Variants in GSTA1 observed in about 807,000 individuals in gnomAD.
GSTA1 encodes the protein glutathione S-transferase A1.
GSTA1 carries 23 observed loss-of-function variants against 21.5 expected under a neutral mutation model. The observed-to-expected ratio is 1.07, with a 90% CI of 0.77 to 1.52. The LOEUF (loss-of-function observed/expected upper bound fraction) is 1.52. GSTA1 is among the 40% of genes most tolerant of loss of function. The pLI is 0.00. For missense variants in GSTA1, 301 were observed against 264.2 expected (o/e 1.14, Z -0.96); for synonymous variants, 125 against 90.0 (o/e 1.39, Z -2.20).
chr6:52,792,833 C>G, intron 6 of GSTA1, 23 bp downstream of exon 6: 1 of 1,613,682 alleles, frequency 6.2e-7, no homozygotes, highest in Non-Finnish European at 8.5e-7. Flanking sequence ...GGGGCTGCCT[C>G]TCTGGGCTGT....
Position 52,791,553 on chromosome 6 carries a change from G to T in GSTA1, c.*305C>A. The T allele has an allele frequency of 3.3e-6, 1 of 305,382 alleles. No individual in the cohort carries two copies. Among genetic ancestry groups the T allele is most frequent in the South Asian group, 4.1e-5 (1 of 24,460 alleles). 18.9% of individuals were successfully genotyped at this position (305,382 alleles called of 1,614,324 possible). A position where few individuals can be genotyped will look rare whatever the true frequency, so the allele number is the denominator to read the frequency against. Reference sequence around the variant, plus strand: ...ATTGTATGACAAATTGTATGTTACGGGACAATTCTTGGAAAAGTCAAACAA... The same window carrying T: ...ATTGTATGACAAATTGTATGTTACGTGACAATTCTTGGAAAAGTCAAACAA... On this transcript the variant is annotated 3_prime_UTR_variant, in exon 7 of 7. Transcript: ENST00000334575.
chr6:52,797,997 C>T (rs1763629790), intron 2 of GSTA1, among the ~76,000 whole-genome samples: 1 of 152,152 alleles, frequency 6.6e-6, no homozygotes, highest in Non-Finnish European at 1.5e-5. Flanking sequence ...GAGATCAGAC[C>T]ACAACCTTGT....
At chr6:52,796,395 A>G (rs1763582964) in intron 3 of GSTA1, 81 bp from the exon 4 acceptor site, 2 of 1,574,432 alleles carry the variant, frequency 1.3e-6, no homozygotes, top group South Asian at 1.2e-5. Flanking sequence ...TGTGGAAATG[A>G]CTAAATTTGT....
chr6:52,794,899 A>T (rs1254050636), intron 4 of GSTA1, among the ~76,000 whole-genome samples: 1 of 152,184 alleles, frequency 6.6e-6, no homozygotes, highest in Non-Finnish European at 1.5e-5. Flanking sequence ...AACCAGTGCA[A>T]ACTTTTCTTC....
intron 1 of GSTA1, among the ~76,000 whole-genome samples, chr6:52,802,021 T>C (rs561169541): frequency 6.6e-6 from 1 of 152,228 alleles, no homozygotes; most frequent in East Asian, 1.9e-4. Flanking sequence ...CAAATAAATG[T>C]TGGAAGGAGA....
At chr6:52,802,611 G>A (rs1280524107) in intron 1 of GSTA1, among the ~76,000 whole-genome samples, 1 of 151,932 alleles carries the variant, frequency 6.6e-6, no homozygotes, top group African/African-American at 2.4e-5. Flanking sequence ...TTATTTTACT[G>A]ACCAACAATC....
chr6:52,799,377 C>A (rs1763660277), intron 1 of GSTA1, 80 bp from the exon 2 acceptor site: 12 of 885,410 alleles, frequency 1.4e-5, no homozygotes, highest in Middle Eastern at 3.0e-4. Flanking sequence ...TGAAAACCAC[C>A]AACAATACTG....
chr6:52,801,632 T>G (rs1333416822), intron 1 of GSTA1, among the ~76,000 whole-genome samples: 1 of 152,244 alleles, frequency 6.6e-6, no homozygotes, highest in Non-Finnish European at 1.5e-5. Context: ...TTTCTCAATG[T>G]GAGGTTTCCA....
At chr6:52,801,771 AGGGAG>A in intron 1 of GSTA1, among the ~76,000 whole-genome samples, 1 of 152,284 alleles carries the variant, frequency 6.6e-6, no homozygotes, top group Admixed American at 6.5e-5. Context: ...GTCAATATCT[AGGGAG>A]TGTGTTTACC....
intron 6 of GSTA1, chr6:52,792,640 A>G (rs1763484238): frequency 5.6e-6 from 7 of 1,243,308 alleles, no homozygotes; most frequent in Non-Finnish European, 7.5e-6. Flanking sequence ...AAAGGGCAAA[A>G]TACTCTTTGT....
intron 1 of GSTA1, among the ~76,000 whole-genome samples, chr6:52,802,289 T>C (rs1763737002): frequency 6.6e-6 from 1 of 152,188 alleles, no homozygotes; most frequent in South Asian, 2.1e-4. Flanking sequence ...ATCTCTGAGG[T>C]GGTCCCAATG....
rs1039642543 is a variant in GSTA1 at position 52,791,767 on chromosome 6, C to G, written c.*91G>C. 21 of 1,458,788 alleles carry G rather than the reference C, an allele frequency of 1.4e-5. No homozygotes were observed. The East Asian group carries it at 2.5e-4, about 17-fold the overall frequency. 90.4% of individuals were successfully genotyped at this position (1,458,788 alleles called of 1,614,324 possible). Reference sequence around the variant, plus strand: ...TTGAAAGAGTTCATTAGCTTCACAACAGGCACAATCAACACTTAGGTAAAG... The same window carrying G: ...TTGAAAGAGTTCATTAGCTTCACAAGAGGCACAATCAACACTTAGGTAAAG... On this transcript the variant is annotated 3_prime_UTR_variant, in exon 7 of 7. Transcript: ENST00000334575.
chr6:52,802,942 G>A (rs1194611911), intron 1 of GSTA1, among the ~76,000 whole-genome samples: 5 of 152,112 alleles, frequency 3.3e-5, no homozygotes, highest in Non-Finnish European at 7.3e-5. Context: ...TTCAGTGAAT[G>A]TCCAAGCAGT....
chr6:52,793,038 A>T (rs775740591), intron 5 of GSTA1, 51 bp from the exon 6 acceptor site: 1 of 1,612,464 alleles, frequency 6.2e-7, no homozygotes, highest in Non-Finnish European at 8.5e-7. Context: ...CCAGGCTAGG[A>T]CCCCTGCTTC....
intron 4 of GSTA1, among the ~76,000 whole-genome samples, chr6:52,795,517 A>G (rs1336084981): frequency 6.6e-6 from 1 of 152,160 alleles, no homozygotes; most frequent in Non-Finnish European, 1.5e-5. Context: ...GTAATACTAT[A>G]TTAAAGTTTT....
At chr6:52,800,057 A>G (rs1164228500) in intron 1 of GSTA1, among the ~76,000 whole-genome samples, 1 of 152,156 alleles carries the variant, frequency 6.6e-6, no homozygotes, top group Non-Finnish European at 1.5e-5. Context: ...CTGTATTCTA[A>G]CTCTATGGGG....
chr6:52,797,190 G>A (rs1461887058), intron 3 of GSTA1, among the ~76,000 whole-genome samples: 1 of 152,070 alleles, frequency 6.6e-6, no homozygotes, highest in Non-Finnish European at 1.5e-5. Context: ...CTCCCCCCAT[G>A]AAAGAAAAAA....
At position 52,792,940 on chromosome 6, in the gene GSTA1, G is replaced by T. The variant is rs948334822; in HGVS notation, c.462C>A (p.Ser154Arg). 8.1e-6 allele frequency: 13 copies of T among 1,613,992 alleles called. No individual in the cohort carries two copies. The highest frequency in any genetic ancestry group is 1.1e-5 in the Non-Finnish European group (13 of 1,180,014). Residue 154 changes from serine to arginine, a missense_variant, in exon 6 of 7, where the codon AGC becomes AGA. By Grantham distance (110) the Ser-to-Arg change is moderately radical. Transcript: ENST00000334575. ...GTTCCACCAGATGAATGTCAGCCCG[G>T]CTCAGCTTGTTGCCAACAAGGTAGT... The part of the protein sequence containing the change: ...GQDYLVGNKL[S>R]RADIHLVELL...
intron 6 of GSTA1, among the ~76,000 whole-genome samples, 196 bp from the exon 7 acceptor site, chr6:52,792,176 A>C (rs1763474606): frequency 6.6e-6 from 1 of 152,214 alleles, no homozygotes; most frequent in African/African-American, 2.4e-5. Context: ...TTTTCCCCAA[A>C]GATGTCTTGA....
Sources: gnomAD v4.1 joint callset for allele counts (sites outside exome capture counted in the v4.1 genomes callset) on GRCh38, gnomAD v4.1.1 for gene constraint, MANE v1.5 for transcripts, NCBI Gene and HGNC (gene_info 2026-07-23, HGNC 2026-07-21) for gene names.